Variants in ADCY10 observed in about 807,000 individuals in gnomAD.
ADCY10 encodes adenylate cyclase 10.
Under a neutral mutation model 183.3 loss-of-function variants are expected in ADCY10, and 156 were observed. That is an observed-to-expected ratio of 0.85 (90% CI 0.75 to 0.97). The LOEUF (loss-of-function observed/expected upper bound fraction) is 0.97. Ranked by LOEUF, ADCY10 falls within the 50% of genes least tolerant of loss-of-function variation. The pLI is 0.00. For missense variants in ADCY10, 1,745 were observed against 1,934.3 expected (o/e 0.90, Z 1.84); for synonymous variants, 645 against 670.0 (o/e 0.96, Z 0.58).
At chr1:167,895,829 T>A (rs1163541068) in intron 7 of ADCY10, among the ~76,000 whole-genome samples, 2 of 152,152 alleles carry the variant, frequency 1.3e-5, no homozygotes, top group African/African-American at 4.8e-5. Flanking sequence ...AATGGTTCAC[T>A]AAGAAGTGAG....
intron 26 of ADCY10, among the ~76,000 whole-genome samples, chr1:167,825,906 A>G (rs1178060103): frequency 6.6e-6 from 1 of 152,244 alleles, no homozygotes; most frequent in Admixed American, 6.5e-5. Flanking sequence ...TAGTGAGGAG[A>G]AAAGGGTTCC....
intron 21 of ADCY10, among the ~76,000 whole-genome samples, chr1:167,840,351 T>G (rs1007678670): frequency 5.1e-5 from 7 of 138,500 alleles, no homozygotes; most frequent in African/African-American, 1.7e-4. Context: ...CTTGGGTGAA[T>G]CATATTATTA....
intron 14 of ADCY10, among the ~76,000 whole-genome samples, chr1:167,864,895 GA>G (rs59361245): frequency 0.034 from 4,439 of 129,166 alleles, 82 homozygotes; most frequent in Middle Eastern, 0.11. Flanking sequence ...TTGCTAACAG[GA>G]AAAAAAAAAA....
intron 1 of ADCY10, among the ~76,000 whole-genome samples, chr1:167,908,083 A>G (rs1298381593): frequency 6.6e-6 from 1 of 152,272 alleles, no homozygotes; most frequent in African/African-American, 2.4e-5. Flanking sequence ...AGGAATTGAA[A>G]TCAGTATCCC....
intron 21 of ADCY10, among the ~76,000 whole-genome samples, chr1:167,842,292 A>G (rs1004738494): frequency 3.5e-4 from 53 of 152,160 alleles, no homozygotes; most frequent in Admixed American, 3.5e-3. Context: ...GATGTGTGCC[A>G]TCATACCTGG....
At chr1:167,841,513 T>TTTTTTTC (rs2101944980) in intron 21 of ADCY10, among the ~76,000 whole-genome samples, 1 of 147,678 alleles carries the variant, frequency 6.8e-6, no homozygotes, top group South Asian at 2.1e-4. Context: ...TTTTTTTTTT[T>TTTTTTTC]TTTTTTTTTT....
chr1:167,875,243 C>G, intron 12 of ADCY10, 57 bp from the exon 13 acceptor site: 1 of 1,539,236 alleles, frequency 6.5e-7, no homozygotes, highest in Non-Finnish European at 9.0e-7. Flanking sequence ...ATATTGAGAG[C>G]AAGAGTGATT....
chr1:167,900,967 C>T (rs981556626), intron 5 of ADCY10, among the ~76,000 whole-genome samples: 2 of 152,206 alleles, frequency 1.3e-5, no homozygotes, highest in African/African-American at 2.4e-5. Flanking sequence ...TTTAGTTAGG[C>T]GGAAGCTAAC....
At chr1:167,900,734 G>T (rs1224202039) in intron 5 of ADCY10, among the ~76,000 whole-genome samples, 1 of 152,152 alleles carries the variant, frequency 6.6e-6, no homozygotes, top group Non-Finnish European at 1.5e-5. Context: ...GTTTCACCAT[G>T]TTGGTCAGGC....
At chr1:167,814,222 G>A (rs1050192555) in intron 31 of ADCY10, among the ~76,000 whole-genome samples, 2 of 151,964 alleles carry the variant, frequency 1.3e-5, no homozygotes, top group Admixed American at 1.3e-4. Flanking sequence ...CATACTAAAA[G>A]AGACTCACTT....
intron 21 of ADCY10, 139 bp from the exon 22 acceptor site, chr1:167,837,457 G>C: frequency 1.4e-6 from 1 of 726,756 alleles, no homozygotes; most frequent in Non-Finnish European, 2.5e-6. Context: ...AGTCCCCATT[G>C]TATCTTAGGT....
intron 3 of ADCY10, among the ~76,000 whole-genome samples, chr1:167,903,457 G>C (rs370271876): frequency 1.3e-5 from 2 of 151,854 alleles, no homozygotes; most frequent in East Asian, 1.9e-4. Flanking sequence ...CTAGCTACTC[G>C]GGAGGCTGAG....
intron 26 of ADCY10, among the ~76,000 whole-genome samples, chr1:167,825,535 C>A (rs1338515661): frequency 6.6e-6 from 1 of 152,106 alleles, no homozygotes; most frequent in Non-Finnish European, 1.5e-5. Flanking sequence ...GTAGTCCTAC[C>A]TACTCAGGAG....
At chr1:167,839,504 C>A (rs1305754948) in intron 21 of ADCY10, among the ~76,000 whole-genome samples, 1 of 152,196 alleles carries the variant, frequency 6.6e-6, no homozygotes, top group Non-Finnish European at 1.5e-5. Flanking sequence ...AAATACAATA[C>A]ATTTAATAAT....
intron 31 of ADCY10, among the ~76,000 whole-genome samples, chr1:167,814,731 G>A (rs567887946): frequency 6.6e-6 from 1 of 152,268 alleles, no homozygotes; most frequent in African/African-American, 2.4e-5. Context: ...ATGGAGGGCA[G>A]ACATGGATAC....
chr1:167,830,218 C>A (rs960427068), intron 25 of ADCY10, among the ~76,000 whole-genome samples: 3 of 152,062 alleles, frequency 2.0e-5, no homozygotes, highest in African/African-American at 4.8e-5. Context: ...TTATCACGCC[C>A]TCCCTCATTT....
At chr1:167,828,915 T>C (rs749670834) in intron 26 of ADCY10, among the ~76,000 whole-genome samples, 117 of 152,270 alleles carry the variant, frequency 7.7e-4, no homozygotes, top group Middle Eastern at 6.8e-3. Flanking sequence ...TGAGCCGATA[T>C]TGTGCCACTG....
At chr1:167,821,974 G>A (rs780875076) in intron 30 of ADCY10, 50 bp downstream of exon 30, 18 of 1,244,654 alleles carry the variant, frequency 1.4e-5, no homozygotes, top group Admixed American at 8.4e-5. Context: ...TCTTCCTTGG[G>A]ATTCAACATT....
intron 23 of ADCY10, among the ~76,000 whole-genome samples, chr1:167,835,119 T>C (rs1411382955): frequency 6.6e-6 from 1 of 152,194 alleles, no homozygotes; most frequent in Non-Finnish European, 1.5e-5. Context: ...GGAAGGTCTA[T>C]GAAGCTCTTC....
Sources: gnomAD v4.1 joint callset for allele counts (sites outside exome capture counted in the v4.1 genomes callset) on GRCh38, gnomAD v4.1.1 for gene constraint, MANE v1.5 for transcripts, NCBI Gene and HGNC (gene_info 2026-07-23, HGNC 2026-07-21) for gene names.